The following HELLS variants were observed in gnomAD, a reference collection of about 807,000 sequenced individuals.
The protein encoded by HELLS is lymphoid-specific helicase.
In HELLS, 32 loss-of-function variants were observed where a neutral mutation model predicts 120.0. The observed-to-expected ratio is 0.27, with a 90% CI of 0.20 to 0.36. The LOEUF (loss-of-function observed/expected upper bound fraction) is 0.36, where lower values mean the gene tolerates loss of function less well. Among genes scored for constraint, HELLS ranks in the 10% least tolerant of loss-of-function variants. HELLS has a pLI of 1.00. For missense variants in HELLS, 650 were observed against 993.4 expected, an observed-to-expected ratio of 0.65 and a Z score of 4.65; for synonymous variants, 341 against 323.4, an observed-to-expected ratio of 1.05 and a Z score of -0.58.
At chr10:94,578,653 C>T (rs976129584) in intron 10 of HELLS, among the ~76,000 whole-genome samples, 10 of 152,138 alleles carry the variant, frequency 6.6e-5, no homozygotes, top group South Asian at 2.1e-4. Flanking sequence ...GAGATCATGC[C>T]GCTTGGTTGG....
intron 12 of HELLS, 140 bp from the exon 13 acceptor site, chr10:94,588,089 A>G: frequency 2.1e-6 from 1 of 475,834 alleles, no homozygotes; most frequent in Non-Finnish European, 3.7e-6. Flanking sequence ...GGAAAATCTC[A>G]AGATATTTTC....
At chr10:94,603,521 C>T (rs1013700701), downstream of HELLS, among the ~76,000 whole-genome samples, 3 of 152,030 alleles carry the variant, frequency 2.0e-5, no homozygotes, top group Non-Finnish European at 4.4e-5. Context: ...TTTGGGATTC[C>T]CTTGATGGTC....
rs1158546020 is a variant in HELLS at position 94,592,220 on chromosome 10, C to T, written c.1768-9C>T. 3 of 1,584,906 alleles carry T rather than the reference C, an allele frequency of 1.9e-6. No individual in the cohort carries two copies. Among genetic ancestry groups the T allele is most frequent in the Non-Finnish European group, 2.6e-6 (3 of 1,163,874 alleles). ...CTCTCTATTTTTTCTTCCTTTGCCC[C>T]TCCTTAAGATCGATGAAGAATTGGT... On this transcript the variant is annotated splice_polypyrimidine_tract_variant and intron_variant, in intron 15 of 21. Coordinates refer to ENST00000348459, the MANE Select transcript of HELLS (RefSeq NM_018063.5).
At chr10:94,581,704 C>G (rs1314740208) in intron 11 of HELLS, among the ~76,000 whole-genome samples, 182 bp downstream of exon 11, 5 of 152,138 alleles carry the variant, frequency 3.3e-5, no homozygotes, top group Non-Finnish European at 5.9e-5. Flanking sequence ...TTATTTAAAA[C>G]TTACTTGCAT....
intron 11 of HELLS, 97 bp downstream of exon 11, chr10:94,581,619 T>C: frequency 2.4e-6 from 2 of 832,812 alleles, no homozygotes; most frequent in Non-Finnish European, 3.7e-6. Flanking sequence ...TGCCAAATAT[T>C]TGGCAAGTTC....
intron 12 of HELLS, among the ~76,000 whole-genome samples, chr10:94,587,328 A>G (rs892596379): frequency 5.9e-5 from 9 of 152,206 alleles, no homozygotes; most frequent in African/African-American, 2.2e-4. Context: ...ATATTGATAC[A>G]GAAATGCAAT....
intron 6 of HELLS, chr10:94,570,344 T>G (rs1319469493): frequency 1.3e-5 from 2 of 152,210 alleles, no homozygotes. Context: ...TTTTATCTAG[T>G]CATTTTACAG....
rs1328321588 is a variant in HELLS, at chr10:94,561,289, C to T, written c.334-1402C>T. ...CATGAGCTAGCACAACTGGCCTTAC[C>T]TAGGGGTTTTGAAGAACATGTTTTT... On this transcript the variant is annotated intron_variant, in intron 4 of 21. Coordinates refer to ENST00000348459, the MANE Select transcript of HELLS (RefSeq NM_018063.5). Among the ~76,000 whole-genome samples, 3 of 151,988 alleles carry T rather than the reference C, an allele frequency of 2.0e-5. No homozygotes were observed. The East Asian group carries it at 5.8e-4, about 29-fold the overall frequency.
intron 10 of HELLS, among the ~76,000 whole-genome samples, chr10:94,580,208 A>G (rs1488862087): frequency 7.9e-6 from 1 of 126,612 alleles, no homozygotes; most frequent in African/African-American, 3.0e-5. Context: ...TTTTTTTGAG[A>G]CAGTCTCACT....
In HELLS at chr10:94,562,805, T is replaced by C. The variant is rs1226616675; in HGVS notation, c.371-7T>C. ...ATTGCTATCAAAAATAAAATTTTTT[T>C]TTATAGTTATGAGGAAAAAAAGAGG... On this transcript the variant is annotated splice_region_variant and splice_polypyrimidine_tract_variant and intron_variant, in intron 5 of 21. Coordinates refer to ENST00000348459, the MANE Select transcript of HELLS (RefSeq NM_018063.5). The C allele has an allele frequency of 6.4e-7, 1 of 1,554,914 alleles. No individual in the cohort carries two copies. The highest frequency in any genetic ancestry group is 1.4e-5 in the African/African-American group (1 of 72,704).
intron 6 of HELLS, among the ~76,000 whole-genome samples, chr10:94,563,903 C>G (rs1400467354): frequency 6.6e-6 from 1 of 151,678 alleles, no homozygotes; most frequent in East Asian, 1.9e-4. Context: ...CTCCGCTTCC[C>G]AGGTTCAAGC....
At chr10:94,554,644 G>GT (rs199878580) in intron 3 of HELLS, among the ~76,000 whole-genome samples, 4,586 of 102,684 alleles carry the variant, frequency 0.045, 258 homozygotes, top group East Asian at 0.089. Context: ...AAGTAATAGT[G>GT]TTTTTTTTTT....
downstream of HELLS, among the ~76,000 whole-genome samples, chr10:94,604,460 C>T (rs923717875): frequency 3.4e-4 from 50 of 149,228 alleles, no homozygotes; most frequent in Non-Finnish European, 6.2e-4. Context: ...CCCCACCCCC[C>T]GCCACCCCCC....
At chr10:94,580,425 G>A (rs1026278178) in intron 10 of HELLS, among the ~76,000 whole-genome samples, 2 of 151,154 alleles carry the variant, frequency 1.3e-5, no homozygotes, top group South Asian at 2.1e-4. Flanking sequence ...CAGGTAATGC[G>A]TCTGCCTCGG....
chr10:94,601,785 C>G lies in HELLS; in HGVS notation c.*163C>G. The G allele has an allele frequency of 2.2e-6, 1 of 463,344 alleles. No individual in the cohort carries two copies. Among genetic ancestry groups the G allele is most frequent in the East Asian group, 3.8e-5 (1 of 26,340 alleles). The allele number at this position is 463,344 out of a possible 1,614,324, so 28.7% of individuals were successfully genotyped here. On this transcript the variant is annotated 3_prime_UTR_variant, in exon 22 of 22. Coordinates refer to ENST00000348459, the MANE Select transcript of HELLS (RefSeq NM_018063.5). ...ATAGATGGTAATTTTCTGAGCCTTA[C>G]CAAGAACAAAGAAGTATCCATATTA...
intron 21 of HELLS, among the ~76,000 whole-genome samples, chr10:94,599,681 A>T (rs1347755706): frequency 6.6e-6 from 1 of 152,210 alleles, no homozygotes; most frequent in Non-Finnish European, 1.5e-5. Context: ...TCTTCATAGG[A>T]AGTCCAAGGG....
chr10:94,554,977 T>G (rs1843179294), intron 3 of HELLS, among the ~76,000 whole-genome samples: 1 of 151,614 alleles, frequency 6.6e-6, no homozygotes, highest in Non-Finnish European at 1.5e-5. Flanking sequence ...GGCAAAACCC[T>G]ATCTCTAATA....
chr10:94,558,559 A>G (rs1449562484), intron 4 of HELLS, among the ~76,000 whole-genome samples: 1 of 152,168 alleles, frequency 6.6e-6, no homozygotes, highest in Non-Finnish European at 1.5e-5. Context: ...TTTATTGAAT[A>G]CATACTGTGG....
intron 9 of HELLS, among the ~76,000 whole-genome samples, chr10:94,575,098 ATTTTTT>A (rs570447113): frequency 2.6e-4 from 32 of 121,790 alleles, no homozygotes; most frequent in African/African-American, 3.1e-4. Flanking sequence ...ACCTTCTGCA[ATTTTTT>A]TTTTTTTTTT....
Sources: gnomAD v4.1 joint callset for allele counts (sites outside exome capture counted in the v4.1 genomes callset) on GRCh38, gnomAD v4.1.1 for gene constraint, MANE v1.5 for transcripts, NCBI Gene and HGNC (gene_info 2026-07-23, HGNC 2026-07-21) for gene names.